ARMH4: variants seen among roughly 807,000 people sequenced by gnomAD.
ARMH4 encodes the protein armadillo like helical domain containing 4.
A neutral mutation model predicts 61.9 loss-of-function variants in ARMH4; 49 were observed. That is an observed-to-expected ratio of 0.79 (90% CI 0.63 to 1.00). The LOEUF (loss-of-function observed/expected upper bound fraction) is 1.00, where lower values mean the gene tolerates loss of function less well. Among genes scored for constraint, ARMH4 ranks in the 50% least tolerant of loss-of-function variants. ARMH4 has a pLI of 0.00. For missense variants in ARMH4, 934 were observed against 930.0 expected, an observed-to-expected ratio of 1.00 and a Z score of -0.06; for synonymous variants, 368 against 341.5, an observed-to-expected ratio of 1.08 and a Z score of -0.85.
intron 4 of ARMH4, among the ~76,000 whole-genome samples, chr14:58,121,402 G>T (rs1441676400): frequency 2.0e-5 from 3 of 152,102 alleles, no homozygotes. Context: ...AACTCTACAA[G>T]GTTTACTTAA....
At chr14:58,035,083 C>G (rs1033125107) in intron 5 of ARMH4, among the ~76,000 whole-genome samples, 1 of 147,166 alleles carries the variant, frequency 6.8e-6, no homozygotes, top group African/African-American at 2.5e-5. Flanking sequence ...CTCTCCACCC[C>G]AAATCAACAG....
intron 5 of ARMH4, among the ~76,000 whole-genome samples, chr14:58,090,914 A>G (rs1278713246): frequency 2.0e-5 from 3 of 149,808 alleles, no homozygotes; most frequent in Admixed American, 1.3e-4. Context: ...AGAAAAGAAA[A>G]AAAAGAAAGA....
rs1256214299 is a variant in ARMH4 at position 58,005,117 on chromosome 14, C to A, written c.2187G>T (p.Leu729Phe). The A allele has an allele frequency of 6.2e-7, 1 of 1,613,968 alleles. No individual in the cohort carries two copies. The highest frequency in any genetic ancestry group is 1.7e-5 in the Admixed American group (1 of 59,980). The change falls in exon 7 of 8, where the codon TTG becomes TTT. Residue 729 changes from leucine (L) to phenylalanine (F), a missense_variant. Transcript: ENST00000267485. ...GVGIAGALFI[L>F]GALYSIKVMN... is the part of the protein sequence containing the mutation. Reference sequence around the variant, plus strand: ...TAACCTTAATGCTGTAGAGGGCTCCCAAGATGAACAAGGCTCCAGCTATCC... The same window carrying A: ...TAACCTTAATGCTGTAGAGGGCTCCAAAGATGAACAAGGCTCCAGCTATCC...
chr14:58,043,481 A>G lies in ARMH4; in HGVS notation c.2090-31331T>C, dbSNP rs1019263882. 5.9e-5 allele frequency among the ~76,000 whole-genome samples: 9 copies of G among 152,206 alleles called. 1 individual carries two copies. Among genetic ancestry groups the G allele is most frequent in the Non-Finnish European group, 1.3e-4 (9 of 68,036 alleles). On this transcript the variant is annotated intron_variant, in intron 5 of 7. Transcript: ENST00000267485. ...AAAATAATAAGAGCTATTTATGACA[A>G]AACCACAGCCAATATCATACTGAAT...
rs532702374 is a variant in ARMH4 at position 58,076,332 on chromosome 14, C to T, written c.2089+20392G>A. ...TTTAGGTCTTAAAGTCATTATCCTGCTTTTCCCAAGAATCATGGCTATCTA... is the reference window on the plus strand; with the variant it reads ...TTTAGGTCTTAAAGTCATTATCCTGTTTTTCCCAAGAATCATGGCTATCTA... On this transcript the variant is annotated intron_variant, in intron 5 of 7. Transcript: ENST00000267485. Among the ~76,000 whole-genome samples the T allele has an allele frequency of 3.9e-5, 6 of 152,288 alleles. No individual in the cohort carries two copies. In the East Asian group the frequency reaches 7.7e-4, roughly 20 times the overall value.
chr14:58,085,547 C>G (rs550873013), intron 5 of ARMH4, among the ~76,000 whole-genome samples: 5 of 152,214 alleles, frequency 3.3e-5, no homozygotes, highest in African/African-American at 1.2e-4. Context: ...TTCCAAGTCT[C>G]CTTTTCTGGC....
At position 58,141,391 on chromosome 14, in the gene ARMH4, C is replaced by A. The variant is rs1030471583; in HGVS notation, c.-56-1977G>T. 7 of 528,896 alleles carry A rather than the reference C, an allele frequency of 1.3e-5. No homozygotes were observed. The Admixed American group carries it at 1.4e-4, about 11-fold the overall frequency. The allele number at this position is 528,896 out of a possible 1,614,324, so 32.8% of individuals were successfully genotyped here. ...AATTCAGGACAAGGAGGGTATCCCACCTGACCAGCAGCGTCTGATATTTGC... is the reference window on the plus strand; with the variant it reads ...AATTCAGGACAAGGAGGGTATCCCAACTGACCAGCAGCGTCTGATATTTGC... On this transcript the variant is annotated intron_variant, in intron 1 of 7. Coordinates refer to ENST00000267485, the MANE Select transcript of ARMH4 (RefSeq NM_001001872.4).
intron 5 of ARMH4, among the ~76,000 whole-genome samples, chr14:58,076,297 T>C (rs1465485466): frequency 1.3e-5 from 2 of 152,216 alleles, no homozygotes; most frequent in Admixed American, 6.5e-5. Context: ...AGCCAGCAGA[T>C]AAATGACCCT....
chr14:58,063,681 G>T (rs1476446083), intron 5 of ARMH4, among the ~76,000 whole-genome samples: 1 of 152,058 alleles, frequency 6.6e-6, no homozygotes, highest in Non-Finnish European at 1.5e-5. Context: ...AACAACTTTT[G>T]CCAGGAACAC....
At chr14:58,027,065 T>C (rs145401215) in intron 5 of ARMH4, among the ~76,000 whole-genome samples, 1 of 152,324 alleles carries the variant, frequency 6.6e-6, no homozygotes, top group East Asian at 1.9e-4. Context: ...TTTCCAAAAG[T>C]TCCATTTACC....
intron 1 of ARMH4, chr14:58,141,281 T>C (rs562984660): frequency 1.1e-5 from 4 of 368,282 alleles, no homozygotes; most frequent in African/African-American, 6.4e-5. Context: ...GACGCAGAGA[T>C]GCAGATCTTT....
At chr14:58,008,310 G>A (rs8004714) in intron 6 of ARMH4, among the ~76,000 whole-genome samples, 31,988 of 152,062 alleles carry the variant, frequency 0.21, 4,225 homozygotes, top group East Asian at 0.56. Context: ...AATGCAAACA[G>A]CAGGCGCATC....
intron 6 of ARMH4, among the ~76,000 whole-genome samples, chr14:58,006,850 G>A (rs1182364998): frequency 6.6e-6 from 1 of 152,022 alleles, no homozygotes; most frequent in Non-Finnish European, 1.5e-5. Context: ...CATGGCACAT[G>A]TATACATATG....
At chr14:58,085,259 A>T (rs546382681) in intron 5 of ARMH4, among the ~76,000 whole-genome samples, 1 of 152,112 alleles carries the variant, frequency 6.6e-6, no homozygotes, top group Non-Finnish European at 1.5e-5. Flanking sequence ...ACTCTTTAAC[A>T]TCATCTTTGT....
chr14:58,027,804 T>C (rs183303226), intron 5 of ARMH4, among the ~76,000 whole-genome samples: 14 of 152,306 alleles, frequency 9.2e-5, no homozygotes, highest in African/African-American at 3.4e-4. Flanking sequence ...GGGTGTATAC[T>C]TGTCCCCAAA....
chr14:58,086,502 C>T (rs913418273), intron 5 of ARMH4, among the ~76,000 whole-genome samples: 3 of 152,144 alleles, frequency 2.0e-5, no homozygotes, highest in African/African-American at 4.8e-5. Context: ...AGAAAACCCT[C>T]AGTACCTGAT....
chr14:58,098,367 G>A (rs564562302), intron 4 of ARMH4, among the ~76,000 whole-genome samples: 26 of 152,286 alleles, frequency 1.7e-4, no homozygotes, highest in African/African-American at 6.0e-4. Context: ...GCAGACACTA[G>A]GGATAAAAGC....
chr14:58,044,420 A>G (rs1883852524), intron 5 of ARMH4, among the ~76,000 whole-genome samples: 1 of 152,258 alleles, frequency 6.6e-6, no homozygotes. Context: ...ATATGTAGAA[A>G]GCTGAAACTG....
At chr14:58,114,232 A>T (rs1269127679) in intron 4 of ARMH4, among the ~76,000 whole-genome samples, 1 of 152,118 alleles carries the variant, frequency 6.6e-6, no homozygotes, top group Non-Finnish European at 1.5e-5. Flanking sequence ...ACAAACCTGG[A>T]ATTACTTTAT....
Sources: gnomAD v4.1 joint callset for allele counts (sites outside exome capture counted in the v4.1 genomes callset) on GRCh38, gnomAD v4.1.1 for gene constraint, MANE v1.5 for transcripts, NCBI Gene and HGNC (gene_info 2026-07-23, HGNC 2026-07-21) for gene names.